NRXN1: variants seen among roughly 807,000 people sequenced by gnomAD.
The protein encoded by NRXN1 is neurexin 1.
Under a neutral mutation model 150.9 loss-of-function variants are expected in NRXN1, and 39 were observed. The observed-to-expected ratio is 0.26, with a 90% CI of 0.20 to 0.34. NRXN1 has a LOEUF of 0.34. Ranked by LOEUF, NRXN1 falls within the 10% of genes least tolerant of loss-of-function variation. The probability of loss-of-function intolerance (pLI) is 1.00; values close to 1 mark genes in which losing one functional copy is unlikely to be tolerated. For synonymous variants in NRXN1, 924 were observed against 757.0 expected (o/e 1.22, Z -3.62); for missense variants, 1,815 against 1,949.9 (o/e 0.93, Z 1.30).
intron 2 of NRXN1, among the ~76,000 whole-genome samples, chr2:50,947,099 C>G (rs1690515588): frequency 6.6e-6 from 1 of 152,016 alleles, no homozygotes; most frequent in African/African-American, 2.4e-5. Flanking sequence ...CATTTGCAAC[C>G]AGAAATTTCT....
intron 18 of NRXN1, among the ~76,000 whole-genome samples, chr2:50,178,536 C>A (rs952792397): frequency 1.3e-5 from 2 of 152,018 alleles, no homozygotes; most frequent in South Asian, 2.1e-4. Context: ...TCTATTCTCT[C>A]TTTCAGAGAC....
At chr2:50,549,763 TTAAAG>T (rs1483500425) in intron 9 of NRXN1, among the ~76,000 whole-genome samples, 2 of 152,194 alleles carry the variant, frequency 1.3e-5, no homozygotes, top group Admixed American at 6.5e-5. Context: ...TGCTTGAAGA[TTAAAG>T]TATTTATCTG....
chr2:50,046,824 G>T lies in NRXN1; in HGVS notation c.4128+6447C>A, dbSNP rs147770396. Among the ~76,000 whole-genome samples, 29 of 152,244 alleles carry T rather than the reference G, an allele frequency of 1.9e-4. No individual in the cohort carries two copies. In the East Asian group the frequency reaches 5.0e-3, roughly 26 times the overall value. ...CTTTCAGACCTTAGACTCCCAGAAC[G>T]CAGGGCCTCATCATCTGATCATGTT... is the stretch of plus-strand genomic sequence containing the variant. On this transcript the variant is annotated intron_variant, in intron 21 of 22. Transcript: ENST00000401669.
At position 50,886,235 on chromosome 2, in the gene NRXN1, A is replaced by C. The variant is rs528203991; in HGVS notation, c.832+35634T>G. Among the ~76,000 whole-genome samples, 5 of 151,474 alleles carry C rather than the reference A, an allele frequency of 3.3e-5. No homozygotes were observed. The South Asian group carries it at 1.0e-3, about 31-fold the overall frequency. ...TGTACTAAAAATAAAGGCCCATAGA[A>C]ATGAGGAGAATGAAAGGAAAAGAGG... On this transcript the variant is annotated intron_variant, in intron 5 of 22. Coordinates refer to ENST00000401669, the MANE Select transcript of NRXN1 (RefSeq NM_001330078.2).
At chr2:50,113,028 C>T (rs1266184891) in intron 18 of NRXN1, among the ~76,000 whole-genome samples, 3 of 152,090 alleles carry the variant, frequency 2.0e-5, no homozygotes, top group Non-Finnish European at 4.4e-5. Context: ...CAAACCCTAC[C>T]TTCCCTTTGA....
At chr2:50,480,407 C>G (rs1381130664) in intron 15 of NRXN1, among the ~76,000 whole-genome samples, 1 of 152,126 alleles carries the variant, frequency 6.6e-6, no homozygotes, top group African/African-American at 2.4e-5. Flanking sequence ...GCTCCATATA[C>G]AAAGATGACC....
intron 18 of NRXN1, among the ~76,000 whole-genome samples, chr2:50,229,458 C>T (rs2064735462): frequency 6.6e-6 from 1 of 151,936 alleles, no homozygotes; most frequent in Admixed American, 6.6e-5. Context: ...TTCCATCAAT[C>T]TATATTGTGT....
In NRXN1 at chr2:49,919,187, A is replaced by C. The variant is rs1667788524; in HGVS notation, c.*2757T>G. 1 of 152,134 alleles carries C rather than the reference A, an allele frequency of 6.6e-6. No individual in the cohort carries two copies. The highest frequency in any genetic ancestry group is 1.5e-5 in the Non-Finnish European group (1 of 67,972). The allele number at this position is 152,134 out of a possible 1,614,324, so 9.4% of individuals were successfully genotyped here. A position where few individuals can be genotyped will look rare whatever the true frequency, so the allele number is the denominator to read the frequency against. ...TCAAATTTATGCCAAGTCGTGTGAA[A>C]TCCTCAATCAACTGCAAACTATGCA... On this transcript the variant is annotated 3_prime_UTR_variant, in exon 23 of 23. Transcript: ENST00000401669.
intron 5 of NRXN1, among the ~76,000 whole-genome samples, chr2:50,829,176 G>A (rs1034548406): frequency 1.3e-5 from 2 of 152,264 alleles, no homozygotes; most frequent in South Asian, 4.1e-4. Flanking sequence ...CGAGATGGCA[G>A]CAGTACAGTC....
chr2:50,008,659 A>G (rs1032178934), intron 21 of NRXN1, among the ~76,000 whole-genome samples: 1 of 152,078 alleles, frequency 6.6e-6, no homozygotes, highest in Non-Finnish European at 1.5e-5. Flanking sequence ...TTAATTGACA[A>G]AATTTTCTGT....
At chr2:50,725,983 C>G (rs1258909538) in intron 5 of NRXN1, among the ~76,000 whole-genome samples, 1 of 152,176 alleles carries the variant, frequency 6.6e-6, no homozygotes, top group Non-Finnish European at 1.5e-5. Flanking sequence ...ATGATTTAAA[C>G]AAACCAGCGT....
intron 19 of NRXN1, among the ~76,000 whole-genome samples, chr2:50,089,850 T>G (rs1367992746): frequency 6.6e-6 from 1 of 152,134 alleles, no homozygotes; most frequent in Admixed American, 6.5e-5. Flanking sequence ...TATACTAGGA[T>G]TTCAGATAAT....
At chr2:50,444,508 G>A (rs1239917290) in intron 17 of NRXN1, among the ~76,000 whole-genome samples, 1 of 152,022 alleles carries the variant, frequency 6.6e-6, no homozygotes, top group East Asian at 1.9e-4. Context: ...AATGAATCAA[G>A]CCAACTTCAA....
intron 18 of NRXN1, among the ~76,000 whole-genome samples, chr2:50,097,168 A>G (rs767204302): frequency 4.6e-5 from 7 of 152,202 alleles, no homozygotes; most frequent in Non-Finnish European, 1.0e-4. Flanking sequence ...CCAGTAACAA[A>G]TAAAAATGTC....
chr2:49,942,287 C>T (rs1273772769), intron 22 of NRXN1, among the ~76,000 whole-genome samples: 1 of 152,100 alleles, frequency 6.6e-6, no homozygotes, highest in African/African-American at 2.4e-5. Context: ...TGTCCTGTTG[C>T]GAGGTGACTG....
At chr2:50,679,263 C>G (rs187214383) in intron 5 of NRXN1, among the ~76,000 whole-genome samples, 2 of 152,144 alleles carry the variant, frequency 1.3e-5, no homozygotes, top group Admixed American at 1.3e-4. Context: ...GGAGACATCC[C>G]TCTGGAAGGA....
chr2:50,266,540 C>T (rs865939832), intron 17 of NRXN1, among the ~76,000 whole-genome samples: 2,425 of 122,524 alleles, frequency 0.02, 60 homozygotes, highest in African/African-American at 0.068. Context: ...TATAAATACA[C>T]ACACACACAC....
chr2:50,111,238 G>A (rs1402227621), intron 18 of NRXN1, among the ~76,000 whole-genome samples: 1 of 152,152 alleles, frequency 6.6e-6, no homozygotes, highest in Non-Finnish European at 1.5e-5. Flanking sequence ...GATAACAGAA[G>A]CCCTTCTAAA....
At chr2:50,543,691 G>A (rs28567926) in intron 9 of NRXN1, among the ~76,000 whole-genome samples, 311 of 152,192 alleles carry the variant, frequency 2.0e-3, no homozygotes, top group African/African-American at 7.3e-3. Context: ...ACGTAGTGAG[G>A]TAGTTTTTCA....
Sources: allele counts gnomAD v4.1 joint callset (sites outside exome capture counted in the v4.1 genomes callset), GRCh38; gene constraint gnomAD v4.1.1; transcripts MANE v1.5; gene names NCBI Gene and HGNC (gene_info 2026-07-23, HGNC 2026-07-21).